The following SCARB1 variants were observed in gnomAD, a reference collection of about 807,000 sequenced individuals.
SCARB1 encodes the protein scavenger receptor class B member 1, also known as CD36 and LIMPII analogous 1.
A neutral mutation model predicts 57.2 loss-of-function variants in SCARB1; 30 were observed. The observed-to-expected ratio is 0.52, with a 90% CI of 0.39 to 0.71. The LOEUF (loss-of-function observed/expected upper bound fraction) is 0.71, where lower values mean the gene tolerates loss of function less well. Among genes scored for constraint, SCARB1 ranks in the 30% least tolerant of loss-of-function variants. The pLI, the probability that SCARB1 is intolerant of heterozygous loss-of-function variation, is 0.00. For missense variants in SCARB1, 543 were observed against 671.2 expected, an observed-to-expected ratio of 0.81 and a Z score of 2.11; for synonymous variants, 249 against 268.3, an observed-to-expected ratio of 0.93 and a Z score of 0.70.
intron 12 of SCARB1, among the ~76,000 whole-genome samples, chr12:124,780,379 T>G (rs1873213930): frequency 6.6e-6 from 1 of 152,028 alleles, no homozygotes; most frequent in Non-Finnish European, 1.5e-5. Flanking sequence ...ATATCTGTTT[T>G]CCCCCCTTCT....
At chr12:124,793,888 G>A (rs1949828452) in intron 9 of SCARB1, among the ~76,000 whole-genome samples, 1 of 152,198 alleles carries the variant, frequency 6.6e-6, no homozygotes, top group East Asian at 1.9e-4. Context: ...TATGCATAAC[G>A]GCCCAGGCGT....
chr12:124,818,025 C>T (rs879784913), intron 1 of SCARB1, among the ~76,000 whole-genome samples: 5 of 152,188 alleles, frequency 3.3e-5, no homozygotes, highest in East Asian at 1.9e-4. Flanking sequence ...CTCAGGGTAG[C>T]GGATGGGCTC....
chr12:124,780,452 C>T (rs1044045158), intron 12 of SCARB1, among the ~76,000 whole-genome samples: 1 of 152,244 alleles, frequency 6.6e-6, no homozygotes, highest in African/African-American at 2.4e-5. Context: ...GGTGTGGGGC[C>T]TTCCCCAGGG....
At position 124,814,443 on chromosome 12, in the gene SCARB1, G is replaced by A. The variant is rs201219690; in HGVS notation, c.427-38C>T. ...GGGACACTAGTGTCAGAGGCTGGACGTGGCTGGCCCATCCTCCCTTGGCCC... is the reference window on the plus strand; with the variant it reads ...GGGACACTAGTGTCAGAGGCTGGACATGGCTGGCCCATCCTCCCTTGGCCC... On this transcript the variant is annotated intron_variant, in intron 3 of 12. Transcript: ENST00000261693. This position sits in a 1 kb window ranked among gnomAD's most constrained non-coding sequence, Gnocchi z 4.7. 226 of 1,598,868 alleles carry A rather than the reference G, an allele frequency of 1.4e-4. 2 individuals carry two copies. The African/African-American group carries it at 2.6e-3, about 18-fold the overall frequency.
In SCARB1 at chr12:124,853,180, G is replaced by A. The variant is rs893287247; in HGVS notation, c.126+10415C>T. Among the ~76,000 whole-genome samples, 14 of 152,186 alleles carry A rather than the reference G, an allele frequency of 9.2e-5. No individual in the cohort carries two copies. The South Asian group carries it at 2.5e-3, about 27-fold the overall frequency. ...ATAAGAGCCAGGGAGACAAAAAGAC[G>A]GTCCAGGCAGAAAGAAAAGCACTTC... On this transcript the variant is annotated intron_variant, in intron 1 of 12. Transcript: ENST00000261693.
chr12:124,814,515 G>A lies in SCARB1; in HGVS notation c.427-110C>T, dbSNP rs1252445605. On this transcript the variant is annotated intron_variant, in intron 3 of 12. Coordinates refer to ENST00000261693, the MANE Select transcript of SCARB1 (RefSeq NM_005505.5). This position sits in a 1 kb window ranked among gnomAD's most constrained non-coding sequence, Gnocchi z 4.7. ...AGCCCATGAAGGGAAATGCTGGGGT[G>A]CAGGAGGCCCCTGGAGTGGCCACGT... 5.0e-6 allele frequency: 6 copies of A among 1,207,862 alleles called. No homozygotes were observed. Among genetic ancestry groups the A allele is most frequent in the Non-Finnish European group, 7.2e-6 (6 of 828,600 alleles). The allele number at this position is 1,207,862 out of a possible 1,614,324, so 74.8% of individuals were successfully genotyped here.
intron 1 of SCARB1, among the ~76,000 whole-genome samples, chr12:124,832,563 A>T (rs1420909689): frequency 2.0e-5 from 3 of 152,140 alleles, no homozygotes; most frequent in Non-Finnish European, 4.4e-5. Flanking sequence ...ATTTTAAAAC[A>T]AGCAGGCTCT....
intron 12 of SCARB1, among the ~76,000 whole-genome samples, chr12:124,780,585 C>T (rs1344214029): frequency 1.3e-5 from 2 of 152,222 alleles, no homozygotes; most frequent in Non-Finnish European, 2.9e-5. Context: ...CACTGCATTC[C>T]CCGTTTCACA....
At position 124,798,565 on chromosome 12, in the gene SCARB1, A is replaced by T. The variant is rs557520611; in HGVS notation, c.1128+1559T>A. Among the ~76,000 whole-genome samples, 8 of 151,712 alleles carry T rather than the reference A, an allele frequency of 5.3e-5. No homozygotes were observed. In the South Asian group the frequency reaches 1.7e-3, roughly 32 times the overall value. ...AATCTAAAAGAGTTGAATTCAGGCC[A>T]GGCGTAGTGGCTCACGCCTATAATC... On this transcript the variant is annotated intron_variant, in intron 8 of 12. Transcript: ENST00000261693.
chr12:124,782,893 G>T (rs1411434256), intron 11 of SCARB1, 82 bp from the exon 12 acceptor site: 2 of 1,449,746 alleles, frequency 1.4e-6, no homozygotes, highest in East Asian at 4.5e-5. Context: ...TTTGCAAAAG[G>T]CAAAGAGGAA....
chr12:124,830,800 A>C (rs886364172), intron 1 of SCARB1, among the ~76,000 whole-genome samples: 1 of 152,154 alleles, frequency 6.6e-6, no homozygotes, highest in African/African-American at 2.4e-5. Context: ...AAAAAGAAAA[A>C]AATTAAAGCA....
chr12:124,829,009 C>G (rs1474521314), intron 1 of SCARB1, among the ~76,000 whole-genome samples: 3 of 152,218 alleles, frequency 2.0e-5, no homozygotes, highest in Non-Finnish European at 2.9e-5. Context: ...GATGCAGGAA[C>G]AACTACGACA....
Position 124,812,579 on chromosome 12 carries a change from C to T in SCARB1, c.631-614G>A, listed in dbSNP as rs1332068450. Among the ~76,000 whole-genome samples the T allele has an allele frequency of 6.6e-6, 1 of 152,242 alleles. No homozygotes were observed. Among genetic ancestry groups the T allele is most frequent in the Admixed American group, 6.5e-5 (1 of 15,286 alleles). The stretch of plus-strand genomic sequence containing the variant: ...CAAAACCTGGCCTGTCCTAACCCAT[C>T]GAGGTTCTTGATAGTGGGGCCCAGG... On this transcript the variant is annotated intron_variant, in intron 4 of 12. Coordinates refer to ENST00000261693, the MANE Select transcript of SCARB1 (RefSeq NM_005505.5). The surrounding 1 kb of genome is among the most constrained non-coding windows in gnomAD (Gnocchi z 4.3).
intron 9 of SCARB1, 148 bp from the exon 10 acceptor site, chr12:124,787,605 A>G: frequency 1.4e-6 from 1 of 698,986 alleles, no homozygotes; most frequent in Non-Finnish European, 2.5e-6. Context: ...GAGCTGAAAC[A>G]CTTTAGGAGC....
At chr12:124,785,945 C>A in intron 11 of SCARB1, 2 of 934,316 alleles carry the variant, frequency 2.1e-6, no homozygotes, top group Non-Finnish European at 3.1e-6. Context: ...TCATCTGTCT[C>A]CCCGGCTGGG....
intron 9 of SCARB1, among the ~76,000 whole-genome samples, chr12:124,788,854 G>A (rs1237488701): frequency 6.6e-6 from 1 of 152,184 alleles, no homozygotes; most frequent in Admixed American, 6.5e-5. Flanking sequence ...GATGTTCAGT[G>A]TTGCTTGGAC....
Position 124,800,305 on chromosome 12 carries a change from C to T in SCARB1, c.1010-63G>A, listed in dbSNP as rs61762484. ...AGTATATTGGCAGGTCCTGCCAGGC[C>T]GGAGGTCTGCACAGAGCTGTGGTCT... On this transcript the variant is annotated intron_variant, in intron 7 of 12. Transcript: ENST00000261693. The surrounding 1 kb of genome is among the most constrained non-coding windows in gnomAD (Gnocchi z 4.8). 19 of 1,266,450 alleles carry T rather than the reference C, an allele frequency of 1.5e-5. No homozygotes were observed. Among genetic ancestry groups the T allele is most frequent in the South Asian group, 5.0e-5 (4 of 80,464 alleles). 78.5% of individuals were successfully genotyped at this position (1,266,450 alleles called of 1,614,324 possible).
chr12:124,821,096 T>A (rs1436078646), intron 1 of SCARB1, among the ~76,000 whole-genome samples: 1 of 151,874 alleles, frequency 6.6e-6, no homozygotes, highest in East Asian at 1.9e-4. Flanking sequence ...AAATCAGCCA[T>A]CCGTGGTGGC....
rs957239335 is a variant in SCARB1, at chr12:124,789,648, A to G, written c.1203-2191T>C. Among the ~76,000 whole-genome samples, 2 of 152,238 alleles carry G rather than the reference A, an allele frequency of 1.3e-5. No homozygotes were observed. Among genetic ancestry groups the G allele is most frequent in the Non-Finnish European group, 2.9e-5 (2 of 68,040 alleles). ...GAAGCGGGAAGTCCTAGCCAGAGCA[A>G]TCAGGCAAGAGAAAGAAAAACGAAA... On this transcript the variant is annotated intron_variant, in intron 9 of 12. Transcript: ENST00000261693. This position sits in a 1 kb window ranked among gnomAD's most constrained non-coding sequence, Gnocchi z 4.4.
Sources: allele counts gnomAD v4.1 joint callset (sites outside exome capture counted in the v4.1 genomes callset), GRCh38; gene constraint gnomAD v4.1.1; non-coding constraint Gnocchi (gnomAD v3.1); transcripts MANE v1.5; gene names NCBI Gene and HGNC (gene_info 2026-07-23, HGNC 2026-07-21).